The following ZCCHC7 variants were observed in gnomAD, a reference collection of about 807,000 sequenced individuals.
ZCCHC7 encodes the protein zinc finger CCHC domain-containing protein 7.
In ZCCHC7, 35 loss-of-function variants were observed where a neutral mutation model predicts 52.0. The ratio of observed to expected loss-of-function variants is 0.67; its 90% CI spans 0.51 to 0.89. The LOEUF is 0.89. Ranked by LOEUF, ZCCHC7 falls within the 40% of genes least tolerant of loss-of-function variation. The pLI is 0.00. For synonymous variants in ZCCHC7, 217 were observed against 221.5 expected (o/e 0.98, Z 0.18); for missense variants, 574 against 649.1 (o/e 0.88, Z 1.26).
At chr9:37,263,185 AGACTTGGGGACCTATGGGATTC>A (rs1180960718) in intron 2 of ZCCHC7, among the ~76,000 whole-genome samples, 1 of 152,044 alleles carries the variant, frequency 6.6e-6, no homozygotes, top group Non-Finnish European at 1.5e-5. Flanking sequence ...TTTAGACTCT[AGACTTGGGGACCTATGGGATTC>A]GCATCAGTTA....
intron 7 of ZCCHC7, among the ~76,000 whole-genome samples, chr9:37,353,469 G>A (rs1821514332): frequency 6.6e-6 from 1 of 152,176 alleles, no homozygotes; most frequent in African/African-American, 2.4e-5. Context: ...ATCAGTAAGA[G>A]TATAAAAACA....
chr9:37,233,150 A>G (rs1035054594), intron 2 of ZCCHC7, among the ~76,000 whole-genome samples: 1 of 152,228 alleles, frequency 6.6e-6, no homozygotes, highest in African/African-American at 2.4e-5. Context: ...CTAAAAGCCC[A>G]TTGCATGTAG....
chr9:37,240,184 G>A (rs1826018), intron 2 of ZCCHC7, among the ~76,000 whole-genome samples: 1 of 151,940 alleles, frequency 6.6e-6, no homozygotes, highest in Non-Finnish European at 1.5e-5. Context: ...AGAGAATACA[G>A]AAAAATCTTC....
rs559181683 is a variant in ZCCHC7 at position 37,250,153 on chromosome 9, G to A, written c.611-52035G>A. On this transcript the variant is annotated intron_variant, in intron 2 of 8. Transcript: ENST00000336755. ...GAATTAAGTTCTGTGAAAAAATCTA[G>A]CACAGTGTTTAGCACATGAATAGTT... 2.0e-5 allele frequency among the ~76,000 whole-genome samples: 3 copies of A among 152,250 alleles called. No individual in the cohort carries two copies. The East Asian group carries it at 5.8e-4, about 29-fold the overall frequency.
intron 2 of ZCCHC7, among the ~76,000 whole-genome samples, chr9:37,141,384 A>G (rs1843222198): frequency 6.6e-6 from 1 of 151,798 alleles, no homozygotes; most frequent in African/African-American, 2.4e-5. Context: ...ATTGGAAAGA[A>G]TTATTGTGTG....
chr9:37,136,613 A>G (rs934228710), intron 2 of ZCCHC7, among the ~76,000 whole-genome samples: 2 of 152,122 alleles, frequency 1.3e-5, no homozygotes, highest in African/African-American at 2.4e-5. Flanking sequence ...GTGGGCCACC[A>G]TGCCCTGCTA....
chr9:37,227,315 A>G (rs186099055), intron 2 of ZCCHC7, among the ~76,000 whole-genome samples: 1 of 152,334 alleles, frequency 6.6e-6, no homozygotes, highest in Non-Finnish European at 1.5e-5. Flanking sequence ...TTATAGATAT[A>G]CTAAAGGAGA....
intron 2 of ZCCHC7, among the ~76,000 whole-genome samples, chr9:37,175,705 T>TA (rs1461912747): frequency 1.3e-5 from 2 of 152,086 alleles, no homozygotes; most frequent in Non-Finnish European, 2.9e-5. Flanking sequence ...CATGCTACTG[T>TA]ACTCCAGCCT....
chr9:37,273,269 C>T (rs931257541), intron 2 of ZCCHC7, among the ~76,000 whole-genome samples: 1 of 152,032 alleles, frequency 6.6e-6, no homozygotes, highest in African/African-American at 2.4e-5. Flanking sequence ...TTTGGGAGGC[C>T]GAGGTGGGCA....
chr9:37,146,296 G>C (rs950724728), intron 2 of ZCCHC7, among the ~76,000 whole-genome samples: 1 of 151,648 alleles, frequency 6.6e-6, no homozygotes, highest in South Asian at 2.1e-4. Flanking sequence ...TCCTCCTTTG[G>C]TTTCAGGCAT....
intron 2 of ZCCHC7, among the ~76,000 whole-genome samples, chr9:37,292,136 T>C (rs1828567793): frequency 6.6e-6 from 1 of 152,242 alleles, no homozygotes; most frequent in East Asian, 1.9e-4. Flanking sequence ...GTTTATGGAA[T>C]AATATGCGTT....
intron 2 of ZCCHC7, among the ~76,000 whole-genome samples, chr9:37,280,398 G>C (rs548653861): frequency 4.6e-5 from 7 of 152,118 alleles, no homozygotes; most frequent in Non-Finnish European, 8.8e-5. Flanking sequence ...TGACATAATT[G>C]GCATTTATAG....
At chr9:37,311,594 G>A (rs1245541213) in intron 5 of ZCCHC7, among the ~76,000 whole-genome samples, 1 of 152,092 alleles carries the variant, frequency 6.6e-6, no homozygotes, top group Non-Finnish European at 1.5e-5. Flanking sequence ...ATTTTTAGTA[G>A]AGGTGTGGTT....
At chr9:37,191,586 G>C (rs2133106866) in intron 2 of ZCCHC7, among the ~76,000 whole-genome samples, 1 of 152,158 alleles carries the variant, frequency 6.6e-6, no homozygotes, top group East Asian at 1.9e-4. Flanking sequence ...CACCCCCGAA[G>C]GCTGTCTGCA....
intron 2 of ZCCHC7, among the ~76,000 whole-genome samples, chr9:37,142,185 A>G (rs1211477640): frequency 1.3e-5 from 2 of 151,842 alleles, no homozygotes; most frequent in Admixed American, 1.3e-4. Flanking sequence ...TTTCCTAATC[A>G]GGAAAAATGA....
chr9:37,166,927 A>G (rs117707474), intron 2 of ZCCHC7, among the ~76,000 whole-genome samples: 21 of 152,348 alleles, frequency 1.4e-4, no homozygotes, highest in East Asian at 1.3e-3. Flanking sequence ...TAAAACTTCA[A>G]TCCTTTTAAG....
intron 2 of ZCCHC7, among the ~76,000 whole-genome samples, chr9:37,293,127 T>C (rs969385432): frequency 3.3e-5 from 5 of 152,318 alleles, no homozygotes; most frequent in African/African-American, 9.6e-5. Context: ...GGATATGTTA[T>C]AGCTTGCAAT....
At chr9:37,157,328 C>A (rs999242797) in intron 2 of ZCCHC7, among the ~76,000 whole-genome samples, 2 of 151,884 alleles carry the variant, frequency 1.3e-5, no homozygotes, top group Non-Finnish European at 2.9e-5. Flanking sequence ...GAGACCCTGT[C>A]TCTAAAAAAA....
rs767528447 is a variant in ZCCHC7 at position 37,126,906 on chromosome 9, C to T, written c.574C>T (p.Leu192Phe). The change falls in exon 2 of 9, where the codon CTC becomes TTC. Residue 192 changes from leucine (L) to phenylalanine (F), a missense_variant. By Grantham distance (22) the Leu-to-Phe change is conservative (BLOSUM62 0). Transcript: ENST00000336755. ...EVDDKDDDILLNLVGCENSVT... is the reference protein window; with the variant it reads ...EVDDKDDDILFNLVGCENSVT... ...AGATGATAAAGATGATGATATCCTT[C>T]TCAACCTTGTGGGATGTGAAAACTC... The T allele has an allele frequency of 1.2e-6, 2 of 1,614,028 alleles. No homozygotes were observed. The highest frequency in any genetic ancestry group is 2.2e-5 in the East Asian group (1 of 44,868).
Sources: allele counts gnomAD v4.1 joint callset (sites outside exome capture counted in the v4.1 genomes callset), GRCh38; gene constraint gnomAD v4.1.1; transcripts MANE v1.5; gene names NCBI Gene and HGNC (gene_info 2026-07-23, HGNC 2026-07-21).